ARL8A: variants seen among roughly 807,000 people sequenced by gnomAD.
The protein encoded by ARL8A is ADP-ribosylation factor-like protein 8A.
A neutral mutation model predicts 31.2 loss-of-function variants in ARL8A; 10 were observed. The observed-to-expected ratio is 0.32, with a 90% CI of 0.20 to 0.54. ARL8A has a LOEUF of 0.54. Ranked by LOEUF, ARL8A falls within the 20% of genes least tolerant of loss-of-function variation. The pLI, the probability that ARL8A is intolerant of heterozygous loss-of-function variation, is 0.93. For missense variants in ARL8A, 129 were observed against 242.8 expected, an observed-to-expected ratio of 0.53 and a Z score of 3.12; for synonymous variants, 70 against 86.9, an observed-to-expected ratio of 0.81 and a Z score of 1.08.
chr1:202,138,250 C>A lies in ARL8A; in HGVS notation c.204+118G>T. The A allele has an allele frequency of 7.9e-7, 1 of 1,260,404 alleles. No individual in the cohort carries two copies. Among genetic ancestry groups the A allele is most frequent in the Non-Finnish European group, 1.1e-6 (1 of 883,204 alleles). 78.1% of individuals were successfully genotyped at this position (1,260,404 alleles called of 1,614,324 possible). A position where few individuals can be genotyped will look rare whatever the true frequency, so the allele number is the denominator to read the frequency against. ...TCAGCAGGGGGACCCTGGCCTCTGC[C>A]CCACTTCAGCTCGCTCCTCCCAGGG... On this transcript the variant is annotated intron_variant, in intron 2 of 6. Coordinates refer to ENST00000272217, the MANE Select transcript of ARL8A (RefSeq NM_138795.4). This position sits in a 1 kb window ranked among gnomAD's most constrained non-coding sequence, Gnocchi z 4.4.
intron 1 of ARL8A, among the ~76,000 whole-genome samples, chr1:202,139,374 C>A (rs556312752): frequency 2.0e-4 from 31 of 152,114 alleles, no homozygotes; most frequent in Middle Eastern, 6.8e-3. Flanking sequence ...GAGTTTGAGA[C>A]CATCCTGATC....
At chr1:202,136,038 G>T (rs1247543472) in intron 3 of ARL8A, among the ~76,000 whole-genome samples, 1 of 152,118 alleles carries the variant, frequency 6.6e-6, no homozygotes, top group Non-Finnish European at 1.5e-5. Flanking sequence ...GTGCTACTCT[G>T]GGGAAGCCGT....
rs1655257092 is a variant in ARL8A at position 202,144,667 on chromosome 1, G to T, written c.-95C>A. 1.9e-6 allele frequency: 2 copies of T among 1,074,486 alleles called. No homozygotes were observed. The highest frequency in any genetic ancestry group is 1.4e-4 in the East Asian group (2 of 14,688). 66.6% of individuals were successfully genotyped at this position (1,074,486 alleles called of 1,614,324 possible). A position where few individuals can be genotyped will look rare whatever the true frequency, so the allele number is the denominator to read the frequency against. ...GAGCGGCCCCTCCCCGGTACGGCCC[G>T]GGTCCCGCGGCTCGGTGCGGGCGGA... On this transcript the variant is annotated 5_prime_UTR_variant, in exon 1 of 7. Coordinates refer to ENST00000272217, the MANE Select transcript of ARL8A (RefSeq NM_138795.4). This position sits in a 1 kb window ranked among gnomAD's most constrained non-coding sequence, Gnocchi z 5.2.
chr1:202,138,057 A>G lies in ARL8A; in HGVS notation c.205-19T>C, dbSNP rs749927386. 9 of 1,613,820 alleles carry G rather than the reference A, an allele frequency of 5.6e-6. No homozygotes were observed. In the East Asian group the frequency reaches 2.0e-4, roughly 36 times the overall value. On this transcript the variant is annotated intron_variant, in intron 2 of 6. Coordinates refer to ENST00000272217, the MANE Select transcript of ARL8A (RefSeq NM_138795.4). The surrounding 1 kb of genome is among the most constrained non-coding windows in gnomAD (Gnocchi z 4.4). Reference sequence around the variant, plus strand: ...CCCAGAGCTGAGCAAGAAGAGGGTGAGATAGCCTCAGTAGTGGGCAGGCCA... The same window carrying G: ...CCCAGAGCTGAGCAAGAAGAGGGTGGGATAGCCTCAGTAGTGGGCAGGCCA...
intron 3 of ARL8A, among the ~76,000 whole-genome samples, chr1:202,136,837 C>T (rs1181826834): frequency 6.6e-6 from 1 of 152,040 alleles, no homozygotes; most frequent in Non-Finnish European, 1.5e-5. Context: ...CCCCTGTGCC[C>T]TGCCATTTTT....
chr1:202,135,539 G>A lies in ARL8A; in HGVS notation c.373-13C>T, dbSNP rs755964614. On this transcript the variant is annotated splice_polypyrimidine_tract_variant and intron_variant, in intron 4 of 6. Coordinates refer to ENST00000272217, the MANE Select transcript of ARL8A (RefSeq NM_138795.4). This position sits in a 1 kb window ranked among gnomAD's most constrained non-coding sequence, Gnocchi z 5.3. ...CCAGGACTAAGACCTACGGAGAAGGGAGGGTGAGGATGAGGTCTAGGGCAG... is the reference window on the plus strand; with the variant it reads ...CCAGGACTAAGACCTACGGAGAAGGAAGGGTGAGGATGAGGTCTAGGGCAG... The A allele has an allele frequency of 6.2e-7, 1 of 1,614,016 alleles. No individual in the cohort carries two copies. The highest frequency in any genetic ancestry group is 1.7e-5 in the Admixed American group (1 of 60,022).
chr1:202,142,020 A>G (rs940775976), intron 1 of ARL8A, among the ~76,000 whole-genome samples: 2 of 152,084 alleles, frequency 1.3e-5, no homozygotes, highest in Non-Finnish European at 2.9e-5. Context: ...GGTGGCCACC[A>G]CCATGCCTGG....
At chr1:202,140,377 G>A (rs1362233374) in intron 1 of ARL8A, among the ~76,000 whole-genome samples, 3 of 149,764 alleles carry the variant, frequency 2.0e-5, no homozygotes, top group South Asian at 2.1e-4. Context: ...TCCTGACCTC[G>A]TGATCCGCCC....
At chr1:202,140,462 AACC>A (rs1233454394) in intron 1 of ARL8A, among the ~76,000 whole-genome samples, 1 of 152,060 alleles carries the variant, frequency 6.6e-6, no homozygotes, top group East Asian at 1.9e-4. Flanking sequence ...TATCTGCAGG[AACC>A]ACCTATTCAT....
At position 202,144,024 on chromosome 1, in the gene ARL8A, C is replaced by G. The variant is rs563145430; in HGVS notation, c.123+426G>C. The stretch of plus-strand genomic sequence containing the variant: ...GCCCAAACCCCCTCCTCAAGCCTCT[C>G]GGCCGCCCCGTCCCGTGACCCTCTA... On this transcript the variant is annotated intron_variant, in intron 1 of 6. Transcript: ENST00000272217. This position sits in a 1 kb window ranked among gnomAD's most constrained non-coding sequence, Gnocchi z 5.2. Among the ~76,000 whole-genome samples the G allele has an allele frequency of 4.3e-4, 66 of 152,354 alleles. No individual in the cohort carries two copies. Among genetic ancestry groups the G allele is most frequent in the African/African-American group, 1.5e-3 (62 of 41,600 alleles).
At chr1:202,140,497 G>A (rs1655139633) in intron 1 of ARL8A, among the ~76,000 whole-genome samples, 1 of 152,100 alleles carries the variant, frequency 6.6e-6, no homozygotes, top group African/African-American at 2.4e-5. Context: ...GATGATATAA[G>A]AACTGAGTAC....
chr1:202,138,377 C>A lies in ARL8A; in HGVS notation c.195G>T (p.Val65=). 1.2e-6 allele frequency: 2 copies of A among 1,613,784 alleles called. No individual in the cohort carries two copies. Among genetic ancestry groups the A allele is most frequent in the Non-Finnish European group, 8.5e-7 (1 of 1,179,728 alleles). The change falls in exon 2 of 7, where the codon GTG becomes GTT. Residue 65 remains valine, a synonymous_variant. Transcript: ENST00000272217. The surrounding 1 kb of genome is among the most constrained non-coding windows in gnomAD (Gnocchi z 4.4). ...GCTTCTGGGCCCTCACCTTGATAGT[C>A]ACATTCCCTTTGGTGATTTTGCGCA... is the stretch of plus-strand genomic sequence containing the variant. The part of the protein sequence containing the change: ...FNMRKITKGN[V]TIKLWDIGGQ...
At chr1:202,136,811 C>T (rs1033553756) in intron 3 of ARL8A, among the ~76,000 whole-genome samples, 1 of 152,090 alleles carries the variant, frequency 6.6e-6, no homozygotes, top group Non-Finnish European at 1.5e-5. Flanking sequence ...TCAAGTAATC[C>T]GTCTGCCTTG....
Position 202,144,377 on chromosome 1 carries a change from G to A in ARL8A, c.123+73C>T. The stretch of plus-strand genomic sequence containing the variant: ...GCCAGGCGGCGACCCCGGCTCAGCA[G>A]GGCGCGGCGCGGGCGGGGACAGGCC... On this transcript the variant is annotated intron_variant, in intron 1 of 6. Transcript: ENST00000272217. This position sits in a 1 kb window ranked among gnomAD's most constrained non-coding sequence, Gnocchi z 5.2. 1 of 1,004,190 alleles carries A rather than the reference G, an allele frequency of 1.0e-6. No homozygotes were observed. The highest frequency in any genetic ancestry group is 1.2e-6 in the Non-Finnish European group (1 of 835,980). 62.2% of individuals were successfully genotyped at this position (1,004,190 alleles called of 1,614,324 possible).
chr1:202,139,062 C>T (rs1571721077), intron 1 of ARL8A, among the ~76,000 whole-genome samples: 1 of 152,166 alleles, frequency 6.6e-6, no homozygotes, highest in African/African-American at 2.4e-5. Flanking sequence ...TGGGAGAGGA[C>T]CCAGGTCTAT....
rs567207516 is a variant in ARL8A at position 202,135,095 on chromosome 1, C to T, written c.511+55G>A. On this transcript the variant is annotated intron_variant, in intron 6 of 6. Transcript: ENST00000272217. This position sits in a 1 kb window ranked among gnomAD's most constrained non-coding sequence, Gnocchi z 5.3. ...TTGTGGAGCGAGAACCTGAGAGCCA[C>T]TAAAACACTCAGAAATGCCTCTCCC... 132 of 1,543,552 alleles carry T rather than the reference C, an allele frequency of 8.6e-5. No homozygotes were observed. The Middle Eastern group carries it at 1.3e-3, about 16-fold the overall frequency.
In ARL8A at chr1:202,135,455, T is replaced by G; in HGVS notation, c.440+4A>C. 6.2e-7 allele frequency: 1 copy of G among 1,613,818 alleles called. No homozygotes were observed. Among genetic ancestry groups the G allele is most frequent in the Non-Finnish European group, 8.5e-7 (1 of 1,179,790 alleles). On this transcript the variant is annotated splice_donor_region_variant and intron_variant, in intron 5 of 6. Coordinates refer to ENST00000272217, the MANE Select transcript of ARL8A (RefSeq NM_138795.4). This position sits in a 1 kb window ranked among gnomAD's most constrained non-coding sequence, Gnocchi z 5.3. ...AGAAAGTAATATAGAGTCACCCAAC[T>G]CACATTTTCTCAATCAGCTCCTTCT...
intron 1 of ARL8A, among the ~76,000 whole-genome samples, chr1:202,139,567 C>T (rs181339558): frequency 3.7e-4 from 54 of 147,840 alleles, no homozygotes; most frequent in Non-Finnish European, 7.3e-4. Context: ...AGCAAGACTC[C>T]GGCTTGAGAA....
At chr1:202,140,121 A>G (rs912114382) in intron 1 of ARL8A, among the ~76,000 whole-genome samples, 1 of 147,326 alleles carries the variant, frequency 6.8e-6, no homozygotes, top group Non-Finnish European at 1.5e-5. Flanking sequence ...ATCTGAATAG[A>G]CTGCTTTGAT....
Sources: allele counts gnomAD v4.1 joint callset (sites outside exome capture counted in the v4.1 genomes callset), GRCh38; gene constraint gnomAD v4.1.1; non-coding constraint Gnocchi (gnomAD v3.1); transcripts MANE v1.5; gene names NCBI Gene and HGNC (gene_info 2026-07-23, HGNC 2026-07-21).